The following ITGAV variants were observed in gnomAD, a reference collection of about 807,000 sequenced individuals.
The protein encoded by ITGAV is integrin alpha-V.
Under a neutral mutation model 143.8 loss-of-function variants are expected in ITGAV, and 76 were observed. The observed-to-expected ratio is 0.53, with a 90% CI of 0.44 to 0.64. ITGAV has a LOEUF of 0.64. ITGAV is among the 30% of genes least tolerant of loss of function. ITGAV has a pLI of 0.00. For synonymous variants in ITGAV, 453 were observed against 446.7 expected, an observed-to-expected ratio of 1.01 and a Z score of -0.18; for missense variants, 1,193 against 1,274.7, an observed-to-expected ratio of 0.94 and a Z score of 0.98.
intron 24 of ITGAV, among the ~76,000 whole-genome samples, chr2:186,668,185 C>CATACATATAT (rs1553505648): frequency 5.2e-5 from 1 of 19,076 alleles, no homozygotes; most frequent in Non-Finnish European, 8.7e-5. Context: ...TACATACATA[C>CATACATATAT]ATATATATAT....
intron 13 of ITGAV, among the ~76,000 whole-genome samples, chr2:186,648,919 T>C (rs1688339303): frequency 1.3e-5 from 2 of 149,240 alleles, no homozygotes; most frequent in East Asian, 2.0e-4. Flanking sequence ...TTTGTGTGTA[T>C]ATATATATAC....
At chr2:186,623,291 G>A (rs1687585274) in intron 3 of ITGAV, among the ~76,000 whole-genome samples, 3 of 151,168 alleles carry the variant, frequency 2.0e-5, no homozygotes. Flanking sequence ...TGTTTTCTCT[G>A]CTGGTATTTA....
At chr2:186,623,936 CAAG>C (rs1374805416) in intron 3 of ITGAV, among the ~76,000 whole-genome samples, 1 of 152,152 alleles carries the variant, frequency 6.6e-6, no homozygotes, top group African/African-American at 2.4e-5. Context: ...ACCCTAACTG[CAAG>C]AAGGACCAGA....
In ITGAV at chr2:186,636,133, AT is replaced by A. The variant is rs1410271106; in HGVS notation, c.684del (p.Asn228LysfsTer11). 4.3e-6 allele frequency: 7 copies of A among 1,613,240 alleles called. No individual in the cohort carries two copies. The highest frequency in any genetic ancestry group is 1.3e-5 in the African/African-American group (1 of 74,878). On this transcript the variant is annotated frameshift_variant, in exon 7 of 30. Transcript: ENST00000261023. LOFTEE classifies it high-confidence loss of function. ...VAEIVSKYDP[N>X]VYSIKYNNQL... Reference sequence around the variant, plus strand: ...GAAATCGTATCTAAATACGACCCCAATGTTTACAGCATCAAGTATAATAACC... The same window carrying A: ...GAAATCGTATCTAAATACGACCCCAAGTTTACAGCATCAAGTATAATAACC...
chr2:186,603,654 C>A (rs564085678), intron 2 of ITGAV, among the ~76,000 whole-genome samples: 3 of 152,176 alleles, frequency 2.0e-5, no homozygotes, highest in South Asian at 2.1e-4. Flanking sequence ...TAAAAGGAAA[C>A]CACAGTTTAG....
chr2:186,676,001 T>TA (rs771721309), intron 28 of ITGAV, 74 bp downstream of exon 28: 3 of 828,308 alleles, frequency 3.6e-6, no homozygotes, highest in South Asian at 1.6e-5. Context: ...TTTTGTTTTT[T>TA]AAAGAACGAC....
In ITGAV at chr2:186,590,316, G is replaced by C; in HGVS notation, c.-23G>C. 1.3e-6 allele frequency: 2 copies of C among 1,547,730 alleles called. No individual in the cohort carries two copies. Among genetic ancestry groups the C allele is most frequent in the Non-Finnish European group, 1.7e-6 (2 of 1,151,040 alleles). On this transcript the variant is annotated 5_prime_UTR_variant, in exon 1 of 30. Coordinates refer to ENST00000261023, the MANE Select transcript of ITGAV (RefSeq NM_002210.5). ...GGGAGGTGGCTACCGCTCCCGGCTTGGCGTCCCGCGCGCACTTCGGCGATG... is the reference window on the plus strand; with the variant it reads ...GGGAGGTGGCTACCGCTCCCGGCTTCGCGTCCCGCGCGCACTTCGGCGATG...
intron 3 of ITGAV, among the ~76,000 whole-genome samples, chr2:186,622,730 A>G (rs547981792): frequency 6.6e-6 from 1 of 152,222 alleles, no homozygotes; most frequent in East Asian, 1.9e-4. Flanking sequence ...GCTTTGGCTA[A>G]CAAGTGCTTT....
At chr2:186,666,890 G>A (rs1301372407) in intron 22 of ITGAV, 107 bp downstream of exon 22, 2 of 565,998 alleles carry the variant, frequency 3.5e-6, no homozygotes, top group Non-Finnish European at 5.8e-6. Flanking sequence ...AAATTTTATT[G>A]CTTGACTATA....
chr2:186,619,599 C>T (rs1227484624), intron 2 of ITGAV, among the ~76,000 whole-genome samples: 2 of 152,114 alleles, frequency 1.3e-5, no homozygotes, highest in African/African-American at 2.4e-5. Context: ...AGGTGATGAA[C>T]GTGCTTATTA....
At chr2:186,633,276 G>T in intron 5 of ITGAV, 53 bp from the exon 6 acceptor site, 1 of 1,092,574 alleles carries the variant, frequency 9.2e-7, no homozygotes, top group South Asian at 1.4e-5. Flanking sequence ...TTTCTATTTT[G>T]AGAGATATTT....
At chr2:186,653,760 A>G (rs1259211851) in intron 15 of ITGAV, among the ~76,000 whole-genome samples, 1 of 152,204 alleles carries the variant, frequency 6.6e-6, no homozygotes, top group Non-Finnish European at 1.5e-5. Context: ...CACTAACTAG[A>G]GCAGTAACAT....
chr2:186,620,396 G>T (rs76579308), intron 2 of ITGAV, among the ~76,000 whole-genome samples: 81 of 152,262 alleles, frequency 5.3e-4, no homozygotes, highest in African/African-American at 1.9e-3. Context: ...GGACACAAAT[G>T]CCTGCAGGTG....
intron 13 of ITGAV, 23 bp from the exon 14 acceptor site, chr2:186,649,817 A>T: frequency 6.6e-7 from 1 of 1,520,460 alleles, no homozygotes; most frequent in Non-Finnish European, 9.0e-7. Context: ...CATTATTAAC[A>T]TGTTTTTCCA....
At chr2:186,636,291 AT>A in intron 7 of ITGAV, 84 bp downstream of exon 7, 1 of 1,074,702 alleles carries the variant, frequency 9.3e-7, no homozygotes, top group Non-Finnish European at 1.3e-6. Context: ...GTAGAAAAAT[AT>A]TTTATGTGAA....
chr2:186,638,336 G>T lies in ITGAV; in HGVS notation c.846+16G>T. On this transcript the variant is annotated intron_variant, in intron 9 of 29. Transcript: ENST00000261023. ...TTTGGGAATGGTAGGACAGTTAAAA[G>T]GTATTTTTTAAAAAATCTCTAAGTT... is the stretch of plus-strand genomic sequence containing the variant. 1.9e-6 allele frequency: 3 copies of T among 1,612,358 alleles called. No homozygotes were observed. The highest frequency in any genetic ancestry group is 2.5e-6 in the Non-Finnish European group (3 of 1,178,608).
intron 23 of ITGAV, 121 bp downstream of exon 23, chr2:186,667,351 A>G (rs1036121976): frequency 5.8e-6 from 4 of 688,066 alleles, no homozygotes; most frequent in East Asian, 5.4e-5. Flanking sequence ...TTACTAGGGC[A>G]TTAGCTTCTG....
chr2:186,676,180 G>T lies in ITGAV; in HGVS notation c.2928+253G>T, dbSNP rs538749865. On this transcript the variant is annotated intron_variant, in intron 28 of 29. Transcript: ENST00000261023. ...TTAGTATATACTAAATTATATTGGAGAAATTTTAGGAATTTTCGTTTACAA... is the reference window on the plus strand; with the variant it reads ...TTAGTATATACTAAATTATATTGGATAAATTTTAGGAATTTTCGTTTACAA... The T allele has an allele frequency of 2.3e-5, 7 of 300,024 alleles. No individual in the cohort carries two copies. The South Asian group carries it at 7.2e-4, about 31-fold the overall frequency. 18.6% of individuals were successfully genotyped at this position (300,024 alleles called of 1,614,324 possible). A position where few individuals can be genotyped will look rare whatever the true frequency, so the allele number is the denominator to read the frequency against.
rs143242380 is a variant in ITGAV at position 186,655,602 on chromosome 2, C to T, written c.1565-645C>T. 1.6e-3 allele frequency among the ~76,000 whole-genome samples: 249 copies of T among 152,260 alleles called. 1 individual carries two copies. Among genetic ancestry groups the T allele is most frequent in the African/African-American group, 5.4e-3 (226 of 41,550 alleles). On this transcript the variant is annotated intron_variant, in intron 16 of 29. Transcript: ENST00000261023. ...TCACCTTTTAGAGAAACTTGCGACGCGAATTCTGGTTTTAAAGATTTGCAC... is the reference window on the plus strand; with the variant it reads ...TCACCTTTTAGAGAAACTTGCGACGTGAATTCTGGTTTTAAAGATTTGCAC...
Sources: allele counts gnomAD v4.1 joint callset (sites outside exome capture counted in the v4.1 genomes callset), GRCh38; gene constraint gnomAD v4.1.1; transcripts MANE v1.5; gene names NCBI Gene and HGNC (gene_info 2026-07-23, HGNC 2026-07-21).